GALNT9: variants seen among roughly 807,000 people sequenced by gnomAD.
GALNT9 encodes GalNAc transferase 9.
Under a neutral mutation model 63.1 loss-of-function variants are expected in GALNT9, and 47 were observed. That is an observed-to-expected ratio of 0.75 (90% confidence interval 0.59 to 0.95). The LOEUF (loss-of-function observed/expected upper bound fraction) is 0.95, where lower values mean the gene tolerates loss of function less well. Ranked by LOEUF, GALNT9 falls within the 40% of genes least tolerant of loss-of-function variation. The pLI is 0.00. For missense variants in GALNT9, 829 were observed against 874.8 expected, an observed-to-expected ratio of 0.95 and a Z score of 0.66; for synonymous variants, 396 against 365.7, an observed-to-expected ratio of 1.08 and a Z score of -0.94.
intron 1 of GALNT9, among the ~76,000 whole-genome samples, chr12:132,302,323 C>G (rs782308402): frequency 1.3e-5 from 2 of 151,914 alleles, no homozygotes; most frequent in African/African-American, 2.4e-5. Flanking sequence ...TTTTCACACT[C>G]CATATTATTC....
chr12:132,202,322 T>TA (rs1261342241), intron 7 of GALNT9, among the ~76,000 whole-genome samples: 1 of 152,172 alleles, frequency 6.6e-6, no homozygotes, highest in African/African-American at 2.4e-5. Context: ...AACAAGGCTG[T>TA]AGGAGCACCG....
intron 6 of GALNT9, among the ~76,000 whole-genome samples, chr12:132,226,558 T>C (rs1487158007): frequency 8.4e-6 from 1 of 119,634 alleles, no homozygotes; most frequent in East Asian, 2.8e-4. Flanking sequence ...CACCCCACTG[T>C]ATATACACAC....
At chr12:132,307,684 A>AT (rs1881664098) in intron 1 of GALNT9, among the ~76,000 whole-genome samples, 1 of 151,238 alleles carries the variant, frequency 6.6e-6, no homozygotes, top group Admixed American at 6.6e-5. Flanking sequence ...AAAAAAAAAA[A>AT]ATAGTTGGGT....
At chr12:132,295,344 C>G (rs925318870) in intron 1 of GALNT9, among the ~76,000 whole-genome samples, 2 of 152,228 alleles carry the variant, frequency 1.3e-5, no homozygotes, top group African/African-American at 4.8e-5. Flanking sequence ...CCGTGCAGGC[C>G]GAGAGCCAAA....
At chr12:132,217,282 TATCCATCCAGCCAGCCAGCCATCA>T (rs1028634248) in intron 6 of GALNT9, among the ~76,000 whole-genome samples, 2 of 131,942 alleles carry the variant, frequency 1.5e-5, no homozygotes, top group African/African-American at 5.9e-5. Flanking sequence ...TCCATCTATC[TATCCATCCAGCCAGCCAGCCATCA>T]ATCCATCCAT....
intron 6 of GALNT9, among the ~76,000 whole-genome samples, chr12:132,237,405 G>C (rs1162618229): frequency 1.3e-5 from 2 of 151,042 alleles, no homozygotes; most frequent in Admixed American, 1.3e-4. Context: ...GCTCACACCT[G>C]CCCAAACACC....
chr12:132,200,078 GGA>G (rs1238430589), intron 8 of GALNT9, among the ~76,000 whole-genome samples: 2 of 152,210 alleles, frequency 1.3e-5, no homozygotes, highest in East Asian at 3.9e-4. Context: ...GGAGGCTGGG[GGA>G]GAGGGGCGGT....
chr12:132,325,098 C>T (rs1464307512), intron 1 of GALNT9, among the ~76,000 whole-genome samples: 1 of 152,104 alleles, frequency 6.6e-6, no homozygotes, highest in Admixed American at 6.5e-5. Flanking sequence ...CGGCGTCGTG[C>T]TCATGTGGCC....
At chr12:132,298,203 C>T (rs1370230142) in intron 1 of GALNT9, among the ~76,000 whole-genome samples, 1 of 152,008 alleles carries the variant, frequency 6.6e-6, no homozygotes, top group Non-Finnish European at 1.5e-5. Flanking sequence ...CCAAGGAAAC[C>T]CACTCCCAAG....
rs189765320 is a variant in GALNT9 at position 132,256,465 on chromosome 12, C to A, written c.959+1224G>T. On this transcript the variant is annotated intron_variant, in intron 5 of 10. Coordinates refer to ENST00000328957, the MANE Select transcript of GALNT9 (RefSeq NM_001122636.2). ...GCATATGAGGCTACTGTGAGTAACGCCGCTGTGAACGTTTGTGTGGAAGCC... is the reference window on the plus strand; with the variant it reads ...GCATATGAGGCTACTGTGAGTAACGACGCTGTGAACGTTTGTGTGGAAGCC... Among the ~76,000 whole-genome samples, 381 of 151,456 alleles carry A rather than the reference C, an allele frequency of 2.5e-3. 2 individuals carry two copies. The highest frequency in any genetic ancestry group is 8.9e-3 in the African/African-American group (365 of 41,190).
rs1340796828 is a variant in GALNT9 at position 132,286,181 on chromosome 12, C to T, written c.419+69G>A. The T allele has an allele frequency of 1.4e-6, 2 of 1,480,236 alleles. No individual in the cohort carries two copies. Among genetic ancestry groups the T allele is most frequent in the Non-Finnish European group, 1.8e-6 (2 of 1,105,288 alleles). 91.7% of individuals were successfully genotyped at this position (1,480,236 alleles called of 1,614,324 possible). On this transcript the variant is annotated intron_variant, in intron 2 of 10. Transcript: ENST00000328957. The surrounding 1 kb of genome is among the most constrained non-coding windows in gnomAD (Gnocchi z 7.4). ...GGCCGGCGTGGGGGGCAGTCACTTC[C>T]CTGGCCAGTGTGGGGGGCGGTCACT...
intron 6 of GALNT9, chr12:132,240,496 G>A (rs1356793250): frequency 4.9e-6 from 2 of 410,146 alleles, no homozygotes; most frequent in Non-Finnish European, 4.8e-6. Context: ...CGGACCCCGG[G>A]CGGCACTCAC....
intron 1 of GALNT9, among the ~76,000 whole-genome samples, chr12:132,293,058 AG>A (rs1880921472): frequency 6.6e-6 from 1 of 151,772 alleles, no homozygotes; most frequent in African/African-American, 2.4e-5. Flanking sequence ...TGGCGGGGCC[AG>A]GGCTGCCATA....
chr12:132,241,193 C>T (rs1878318666), intron 6 of GALNT9, among the ~76,000 whole-genome samples: 1 of 128,932 alleles, frequency 7.8e-6, no homozygotes, highest in Non-Finnish European at 1.7e-5. Context: ...CCTCCCTATC[C>T]CCATTACACA....
intron 2 of GALNT9, among the ~76,000 whole-genome samples, chr12:132,263,500 A>C (rs1555239952): frequency 6.7e-6 from 1 of 150,218 alleles, no homozygotes; most frequent in East Asian, 1.9e-4. Context: ...GCACTCCCAG[A>C]GCCCAGGGGG....
chr12:132,205,786 G>A (rs1876649871), intron 6 of GALNT9: 1 of 152,262 alleles, frequency 6.6e-6, no homozygotes, highest in Non-Finnish European at 1.5e-5. Flanking sequence ...CTGCCTTCCA[G>A]ACTAGGGTCG....
In GALNT9 at chr12:132,236,257, C is replaced by A. The variant is rs1167287753; in HGVS notation, c.1077+11653G>T. Among the ~76,000 whole-genome samples the A allele has an allele frequency of 1.3e-5, 2 of 152,004 alleles. No homozygotes were observed. Among genetic ancestry groups the A allele is most frequent in the South Asian group, 2.1e-4 (1 of 4,814 alleles). On this transcript the variant is annotated intron_variant, in intron 6 of 10. Coordinates refer to ENST00000328957, the MANE Select transcript of GALNT9 (RefSeq NM_001122636.2). The surrounding 1 kb of genome is among the most constrained non-coding windows in gnomAD (Gnocchi z 5.6). ...AATAAATCAGCAATGACAGCCCCGA[C>A]AGGCGGCTGGCGGGGAGCGGGTGGG...
In GALNT9 at chr12:132,286,165, G is replaced by T. The variant is rs1204142300; in HGVS notation, c.419+85C>A. On this transcript the variant is annotated intron_variant, in intron 2 of 10. Coordinates refer to ENST00000328957, the MANE Select transcript of GALNT9 (RefSeq NM_001122636.2). The surrounding 1 kb of genome is among the most constrained non-coding windows in gnomAD (Gnocchi z 7.4). ...GGCCGCTCACTTCCCCGGCCGGCGT[G>T]GGGGGCAGTCACTTCCCTGGCCAGT... 19 of 1,395,270 alleles carry T rather than the reference G, an allele frequency of 1.4e-5. No individual in the cohort carries two copies. The highest frequency in any genetic ancestry group is 1.3e-4 in the African/African-American group (9 of 67,110). The allele number at this position is 1,395,270 out of a possible 1,614,324, so 86.4% of individuals were successfully genotyped here. A position where few individuals can be genotyped will look rare whatever the true frequency, so the allele number is the denominator to read the frequency against.
intron 5 of GALNT9, among the ~76,000 whole-genome samples, chr12:132,250,790 A>C (rs1555238474): frequency 7.3e-6 from 1 of 137,460 alleles, no homozygotes; most frequent in East Asian, 2.1e-4. Flanking sequence ...ATTCCGTCTC[A>C]AACGACAACA....
Sources: allele counts gnomAD v4.1 joint callset (sites outside exome capture counted in the v4.1 genomes callset), GRCh38; gene constraint gnomAD v4.1.1; non-coding constraint Gnocchi (gnomAD v3.1); transcripts MANE v1.5; gene names NCBI Gene and HGNC (gene_info 2026-07-23, HGNC 2026-07-21).